The following ANTXR2 variants were observed in gnomAD, a reference collection of about 807,000 sequenced individuals.
ANTXR2 encodes ANTXR cell adhesion molecule 2, also known as anthrax toxin receptor 2.
ANTXR2 carries 44 observed loss-of-function variants against 73.7 expected under a neutral mutation model. The ratio of observed to expected loss-of-function variants is 0.60; its 90% CI spans 0.47 to 0.77. ANTXR2 has a LOEUF of 0.77. Ranked by LOEUF, ANTXR2 falls within the 30% of genes least tolerant of loss-of-function variation. The probability of loss-of-function intolerance (pLI) is 0.00; values close to 1 mark genes in which losing one functional copy is unlikely to be tolerated. For missense variants in ANTXR2, 604 were observed against 592.5 expected (o/e 1.02, Z -0.20); for synonymous variants, 217 against 205.9 (o/e 1.05, Z -0.46).
intron 16 of ANTXR2, among the ~76,000 whole-genome samples, chr4:79,935,005 G>T (rs1001254170): frequency 1.3e-5 from 2 of 151,824 alleles, no homozygotes; most frequent in African/African-American, 4.8e-5. Context: ...ATGACAAGTT[G>T]ATGGGTGCAG....
chr4:79,924,209 A>C (rs1214644485), intron 16 of ANTXR2, among the ~76,000 whole-genome samples: 1 of 152,136 alleles, frequency 6.6e-6, no homozygotes, highest in African/African-American at 2.4e-5. Context: ...GCCCAAATAC[A>C]TATTTTTAAA....
rs959346255 is a variant in ANTXR2 at position 80,036,051 on chromosome 4, A to G, written c.637-19T>C. On this transcript the variant is annotated intron_variant, in intron 7 of 16. Coordinates refer to ENST00000403729, the MANE Select transcript of ANTXR2 (RefSeq NM_058172.6). ...CTAGTATCTAAAAAAGAAAAAAAAA[A>G]AAGATTACCAAGCTATAGATCTAAA... The G allele has an allele frequency of 2.1e-5, 31 of 1,484,874 alleles. No individual in the cohort carries two copies. Among genetic ancestry groups the G allele is most frequent in the Non-Finnish European group, 2.7e-5 (30 of 1,116,890 alleles). 92.0% of individuals were successfully genotyped at this position (1,484,874 alleles called of 1,614,324 possible).
At chr4:80,064,028 A>C (rs570279213) in intron 3 of ANTXR2, among the ~76,000 whole-genome samples, 1 of 152,352 alleles carries the variant, frequency 6.6e-6, no homozygotes, top group Admixed American at 6.5e-5. Context: ...TAAGTTACTT[A>C]CTGTATATAA....
At chr4:80,072,287 G>C (rs1734830507) in intron 1 of ANTXR2, 122 bp downstream of exon 1, 1 of 1,132,850 alleles carries the variant, frequency 8.8e-7, no homozygotes, top group Non-Finnish European at 1.2e-6. Context: ...GACAGCAACA[G>C]GGCACCCCTC....
intron 3 of ANTXR2, among the ~76,000 whole-genome samples, chr4:80,058,469 A>G (rs1290538532): frequency 6.6e-6 from 1 of 152,064 alleles, no homozygotes; most frequent in African/African-American, 2.4e-5. Context: ...TAACTACCTG[A>G]AGTCTGTCAG....
chr4:79,932,871 A>T (rs915534187), intron 16 of ANTXR2, among the ~76,000 whole-genome samples: 6 of 151,542 alleles, frequency 4.0e-5, no homozygotes, highest in African/African-American at 1.5e-4. Flanking sequence ...GAGGCATTGC[A>T]GCAGGAGGGT....
chr4:79,988,246 T>C (rs1371617624), intron 12 of ANTXR2, among the ~76,000 whole-genome samples: 1 of 90,368 alleles, frequency 1.1e-5, no homozygotes, highest in Non-Finnish European at 2.2e-5. Context: ...TATATATATA[T>C]ATATATATAT....
chr4:79,947,472 TA>T (rs1372357996), intron 16 of ANTXR2, among the ~76,000 whole-genome samples: 6 of 152,128 alleles, frequency 3.9e-5, no homozygotes, highest in Non-Finnish European at 7.4e-5. Flanking sequence ...AAAAGTTTTT[TA>T]TTTTGCCCCA....
chr4:80,043,826 C>T (rs915954845), intron 7 of ANTXR2, among the ~76,000 whole-genome samples: 1 of 151,872 alleles, frequency 6.6e-6, no homozygotes, highest in Non-Finnish European at 1.5e-5. Context: ...TGTCTCTTCT[C>T]TGAAGCCCAA....
At chr4:79,929,049 G>A (rs535223941) in intron 16 of ANTXR2, among the ~76,000 whole-genome samples, 74 of 152,190 alleles carry the variant, frequency 4.9e-4, no homozygotes, top group Non-Finnish European at 7.8e-4. Flanking sequence ...TTTAGAGTGC[G>A]GGGCAAAAGA....
At chr4:79,923,150 G>A (rs1157567379) in intron 16 of ANTXR2, among the ~76,000 whole-genome samples, 3 of 151,950 alleles carry the variant, frequency 2.0e-5, no homozygotes, top group African/African-American at 7.3e-5. Flanking sequence ...TTTGATTTAG[G>A]TAGTCAATAG....
At position 79,902,196 on chromosome 4, in the gene ANTXR2, A is replaced by C. The variant is rs949608471; in HGVS notation, c.*5233T>G. On this transcript the variant is annotated 3_prime_UTR_variant, in exon 17 of 17. Coordinates refer to ENST00000403729, the MANE Select transcript of ANTXR2 (RefSeq NM_058172.6). Reference sequence around the variant, plus strand: ...CTAAGATACAAATAACTTCATGGCAATTAGGAAACCCTATTTAGGTTCCAC... The same window carrying C: ...CTAAGATACAAATAACTTCATGGCACTTAGGAAACCCTATTTAGGTTCCAC... 3 of 152,206 alleles carry C rather than the reference A, an allele frequency of 2.0e-5. No individual in the cohort carries two copies. Among genetic ancestry groups the C allele is most frequent in the African/African-American group, 7.2e-5 (3 of 41,446 alleles). The allele number at this position is 152,206 out of a possible 1,614,324, so 9.4% of individuals were successfully genotyped here.
At position 79,935,102 on chromosome 4, in the gene ANTXR2, AC is replaced by A. The variant is rs985601728; in HGVS notation, c.1429-27636del. 1.1e-4 allele frequency among the ~76,000 whole-genome samples: 17 copies of A among 152,176 alleles called. No individual in the cohort carries two copies. The South Asian group carries it at 1.7e-3, about 15-fold the overall frequency. The stretch of plus-strand genomic sequence containing the variant: ...AAAACTTAAAGTATAAAAAAAAAAA[AC>A]AACTGAATAATGCTGGCCTTTGCTA... On this transcript the variant is annotated intron_variant, in intron 16 of 16. Transcript: ENST00000403729.
At chr4:79,914,981 G>C (rs1727286892) in intron 16 of ANTXR2, among the ~76,000 whole-genome samples, 1 of 152,124 alleles carries the variant, frequency 6.6e-6, no homozygotes, top group African/African-American at 2.4e-5. Context: ...AGAAACAAAA[G>C]TCTGGTCATA....
intron 16 of ANTXR2, among the ~76,000 whole-genome samples, chr4:79,935,790 G>A (rs971419199): frequency 3.3e-5 from 5 of 152,198 alleles, no homozygotes; most frequent in African/African-American, 1.2e-4. Context: ...GGTTAGCTCT[G>A]CCCATTTGTG....
chr4:80,002,722 C>T (rs1189664997), intron 12 of ANTXR2, among the ~76,000 whole-genome samples: 5 of 151,996 alleles, frequency 3.3e-5, no homozygotes, highest in African/African-American at 1.2e-4. Flanking sequence ...AAGAAAAAAA[C>T]CAACAACCCT....
At position 79,937,586 on chromosome 4, in the gene ANTXR2, A is replaced by C. The variant is rs147321501; in HGVS notation, c.1429-30119T>G. 4.6e-3 allele frequency among the ~76,000 whole-genome samples: 703 copies of C among 152,322 alleles called. 10 individuals are homozygous for C. Among genetic ancestry groups the C allele is most frequent in the African/African-American group, 0.016 (667 of 41,576 alleles). On this transcript the variant is annotated intron_variant, in intron 16 of 16. Transcript: ENST00000403729. Reference sequence around the variant, plus strand: ...CATACTCAAACAGATTTGTTCCGTTATCTAAACTAGAAATAAATAAATCAT... The same window carrying C: ...CATACTCAAACAGATTTGTTCCGTTCTCTAAACTAGAAATAAATAAATCAT...
rs535165049 is a variant in ANTXR2 at position 80,047,432 on chromosome 4, AT to A, written c.636+6839del. Among the ~76,000 whole-genome samples, 53 of 151,690 alleles carry A rather than the reference AT, an allele frequency of 3.5e-4. 1 individual carries two copies. The East Asian group carries it at 7.6e-3, about 22-fold the overall frequency. ...ATATAGTGAGCTGTCATCACTACTG[AT>A]TTTTTTGTTCCTACCCTGGACACTT... On this transcript the variant is annotated intron_variant, in intron 7 of 16. Coordinates refer to ENST00000403729, the MANE Select transcript of ANTXR2 (RefSeq NM_058172.6).
intron 11 of ANTXR2, among the ~76,000 whole-genome samples, chr4:80,015,717 G>A (rs1367746536): frequency 1.3e-5 from 2 of 149,138 alleles, no homozygotes; most frequent in East Asian, 4.0e-4. Context: ...GAAAAGAAGA[G>A]AAGAAGCAGG....
Sources: gnomAD v4.1 joint callset for allele counts (sites outside exome capture counted in the v4.1 genomes callset) on GRCh38, gnomAD v4.1.1 for gene constraint, MANE v1.5 for transcripts, NCBI Gene and HGNC (gene_info 2026-07-23, HGNC 2026-07-21) for gene names.